Variants in NSG1 observed in about 807,000 individuals in gnomAD.
The protein encoded by NSG1 is neuronal vesicle trafficking-associated protein 1.
A neutral mutation model predicts 19.3 loss-of-function variants in NSG1; 9 were observed. The ratio of observed to expected loss-of-function variants is 0.47; its 90% CI spans 0.28 to 0.81. The LOEUF (loss-of-function observed/expected upper bound fraction) is 0.81. Among genes scored for constraint, NSG1 ranks in the 40% least tolerant of loss-of-function variants. The probability of loss-of-function intolerance (pLI) is 0.11; values close to 1 mark genes in which losing one functional copy is unlikely to be tolerated. For missense variants in NSG1, 236 were observed against 242.4 expected, an observed-to-expected ratio of 0.97 and a Z score of 0.18; for synonymous variants, 104 against 107.0, an observed-to-expected ratio of 0.97 and a Z score of 0.17.
At chr4:4,411,835 GCT>G (rs1305536362) in intron 4 of NSG1, among the ~76,000 whole-genome samples, 4 of 138,380 alleles carry the variant, frequency 2.9e-5, no homozygotes, top group Non-Finnish European at 6.1e-5. Context: ...GCTCCCTGAA[GCT>G]CTTTTAGAGT....
At chr4:4,416,908 AGTT>A (rs1464555105) in intron 4 of NSG1, among the ~76,000 whole-genome samples, 8 of 152,184 alleles carry the variant, frequency 5.3e-5, no homozygotes, top group African/African-American at 9.7e-5. Context: ...ATATTTCATA[AGTT>A]GTTGTTTTCC....
chr4:4,404,181 T>C (rs1723723422), intron 3 of NSG1, among the ~76,000 whole-genome samples: 1 of 152,258 alleles, frequency 6.6e-6, no homozygotes. Context: ...CTGGGTCCTG[T>C]TGGCCGACTT....
chr4:4,391,400 A>G, intron 2 of NSG1, 75 bp from the exon 3 acceptor site: 4 of 881,666 alleles, frequency 4.5e-6, no homozygotes, highest in East Asian at 2.6e-5. Context: ...TGAATATGGG[A>G]GTTCCCAGAC....
intron 3 of NSG1, among the ~76,000 whole-genome samples, chr4:4,404,671 T>C (rs760906631): frequency 3.7e-4 from 57 of 152,352 alleles, no homozygotes; most frequent in Middle Eastern, 6.8e-3. Flanking sequence ...CGCCGATGTC[T>C]GGCTCAGTAA....
At chr4:4,416,905 A>G (rs962949150) in intron 4 of NSG1, among the ~76,000 whole-genome samples, 1 of 152,182 alleles carries the variant, frequency 6.6e-6, no homozygotes, top group Non-Finnish European at 1.5e-5. Context: ...GGGATATTTC[A>G]TAAGTTGTTG....
chr4:4,394,503 G>A (rs1723154929), intron 3 of NSG1, among the ~76,000 whole-genome samples: 1 of 152,134 alleles, frequency 6.6e-6, no homozygotes, highest in South Asian at 2.1e-4. Context: ...TGGGTGTCCT[G>A]GCAAGGTCCA....
intron 3 of NSG1, among the ~76,000 whole-genome samples, chr4:4,398,101 C>T (rs575184984): frequency 3.7e-4 from 56 of 152,160 alleles, no homozygotes; most frequent in African/African-American, 1.3e-3. Context: ...ATTACAGGCA[C>T]CTGCCACCAT....
chr4:4,411,006 C>T (rs762797287), intron 4 of NSG1, among the ~76,000 whole-genome samples: 14 of 152,152 alleles, frequency 9.2e-5, no homozygotes, highest in South Asian at 4.2e-4. Context: ...TATAGGTGTG[C>T]GCCACCACCC....
In NSG1 at chr4:4,417,339, G is replaced by A. The variant is rs751953786; in HGVS notation, c.462G>A (p.Lys154=). ...TCATAAACCACTACAACCTGGCCAA[G>A]CAGAGCATCACGCGCTCCGTATCGC... ...YTVINHYNLA[K]QSITRSVSPW... The change falls in exon 5 of 5, where the codon AAG becomes AAA. Residue 154 remains lysine, a synonymous_variant. Coordinates refer to ENST00000621129, the MANE Select transcript of NSG1 (RefSeq NM_014392.5). 2.5e-6 allele frequency: 4 copies of A among 1,614,198 alleles called. No homozygotes were observed. The highest frequency in any genetic ancestry group is 2.7e-5 in the African/African-American group (2 of 75,064).
At chr4:4,413,404 C>T (rs1724330921) in intron 4 of NSG1, among the ~76,000 whole-genome samples, 1 of 151,450 alleles carries the variant, frequency 6.6e-6, no homozygotes, top group African/African-American at 2.4e-5. Flanking sequence ...TTTTATTCAG[C>T]AAGCCCCGTC....
intron 3 of NSG1, among the ~76,000 whole-genome samples, chr4:4,408,564 G>A (rs144344167): frequency 2.3e-3 from 349 of 152,308 alleles, no homozygotes; most frequent in African/African-American, 7.6e-3. Flanking sequence ...GGGTTCAAGC[G>A]ATTCTCCTGC....
intron 3 of NSG1, among the ~76,000 whole-genome samples, chr4:4,401,611 C>T (rs1048903916): frequency 1.3e-5 from 2 of 152,108 alleles, no homozygotes; most frequent in African/African-American, 4.8e-5. Flanking sequence ...CAGTTCTCGC[C>T]CTGTGTTGGG....
At chr4:4,387,561 C>CCGGGGGTGGG in intron 1 of NSG1, 43 bp from the exon 2 acceptor site, 4 of 1,141,982 alleles carry the variant, frequency 3.5e-6, no homozygotes, top group Non-Finnish European at 3.7e-6. Flanking sequence ...CGCCCCGCCC[C>CCGGGGGTGGG]GGGTCTTGCT....
At chr4:4,391,324 A>T in intron 2 of NSG1, 151 bp from the exon 3 acceptor site, 1 of 618,644 alleles carries the variant, frequency 1.6e-6, no homozygotes, top group South Asian at 2.1e-5. Flanking sequence ...CCTGCCACAG[A>T]GGAGATTTCC....
At chr4:4,395,496 CAATG>C (rs1217275242) in intron 3 of NSG1, among the ~76,000 whole-genome samples, 1 of 152,170 alleles carries the variant, frequency 6.6e-6, no homozygotes, top group African/African-American at 2.4e-5. Context: ...CGCGTGCACA[CAATG>C]AGGCGTGTGT....
chr4:4,400,011 C>T (rs761379221), intron 3 of NSG1, among the ~76,000 whole-genome samples: 1 of 152,220 alleles, frequency 6.6e-6, no homozygotes, highest in African/African-American at 2.4e-5. Flanking sequence ...TACTGGTCTG[C>T]AGCCCAGGGG....
At chr4:4,387,928 G>A (rs540819590) in intron 2 of NSG1, among the ~76,000 whole-genome samples, 170 bp downstream of exon 2, 1 of 152,174 alleles carries the variant, frequency 6.6e-6, no homozygotes, top group South Asian at 2.1e-4. Context: ...ATTCTGGATC[G>A]CGGGATGCTG....
chr4:4,386,805 C>G (rs1286336356), upstream of NSG1: 2 of 152,558 alleles, frequency 1.3e-5, no homozygotes, highest in Non-Finnish European at 2.9e-5. Context: ...CCGCTCCGGG[C>G]GCCCTCCGCC....
chr4:4,410,006 G>A (rs772863805), intron 4 of NSG1, among the ~76,000 whole-genome samples: 11 of 152,226 alleles, frequency 7.2e-5, no homozygotes, highest in Non-Finnish European at 1.0e-4. Context: ...GATACCTACC[G>A]GATCCCAGCG....
Sources: gnomAD v4.1 joint callset for allele counts (sites outside exome capture counted in the v4.1 genomes callset) on GRCh38, gnomAD v4.1.1 for gene constraint, MANE v1.5 for transcripts, NCBI Gene and HGNC (gene_info 2026-07-23, HGNC 2026-07-21) for gene names.